The following ARL13B variants were observed in gnomAD, a reference collection of about 807,000 sequenced individuals.
ARL13B encodes the protein ARF like GTPase 13B, also known as ADP-ribosylation factor-like protein 13B.
ARL13B carries 36 observed loss-of-function variants against 56.1 expected under a neutral mutation model. The ratio of observed to expected loss-of-function variants is 0.64; its 90% CI spans 0.49 to 0.85. The LOEUF (loss-of-function observed/expected upper bound fraction) is 0.85. Ranked by LOEUF, ARL13B falls within the 40% of genes least tolerant of loss-of-function variation. The probability of loss-of-function intolerance (pLI) is 0.00; values close to 1 mark genes in which losing one functional copy is unlikely to be tolerated. For synonymous variants in ARL13B, 178 were observed against 171.1 expected (o/e 1.04, Z -0.32); for missense variants, 519 against 507.1 (o/e 1.02, Z -0.23).
chr3:94,049,352 A>G (rs2077031788), intron 7 of ARL13B, 54 bp from the exon 8 acceptor site: 1 of 1,064,212 alleles, frequency 9.4e-7, no homozygotes, highest in Non-Finnish European at 1.4e-6. Context: ...GTTTTCTATT[A>G]TAAAAGTGCA....
At chr3:94,013,246 C>T (rs997839742) in intron 3 of ARL13B, among the ~76,000 whole-genome samples, 6 of 152,190 alleles carry the variant, frequency 3.9e-5, no homozygotes, top group Non-Finnish European at 7.4e-5. Flanking sequence ...AGAAGCACCC[C>T]TTGACAGTCT....
At chr3:94,048,524 GT>G (rs2077017684) in intron 7 of ARL13B, among the ~76,000 whole-genome samples, 1 of 152,000 alleles carries the variant, frequency 6.6e-6, no homozygotes, top group South Asian at 2.1e-4. Flanking sequence ...TGCGATTTTG[GT>G]TACGTGTTTG....
At chr3:94,052,413 G>A (rs2077081401) in intron 9 of ARL13B, among the ~76,000 whole-genome samples, 2 of 152,066 alleles carry the variant, frequency 1.3e-5, no homozygotes, top group Non-Finnish European at 2.9e-5. Context: ...GGAGTACTGT[G>A]TACATGGGCA....
chr3:93,980,338 C>A lies in ARL13B; in HGVS notation c.-86C>A, dbSNP rs755184534. ...CGACTTATCCACTTTAGGGGCGTCT[C>A]GGAGTGCCGGAGGCCCCCGGGGAAG... On this transcript the variant is annotated 5_prime_UTR_variant, in exon 1 of 10. Transcript: ENST00000394222. 7.1e-6 allele frequency: 11 copies of A among 1,549,712 alleles called. No homozygotes were observed. Among genetic ancestry groups the A allele is most frequent in the Non-Finnish European group, 9.7e-6 (11 of 1,132,458 alleles).
chr3:94,012,988 C>T (rs1415446483), intron 3 of ARL13B, among the ~76,000 whole-genome samples: 1 of 152,160 alleles, frequency 6.6e-6, no homozygotes, highest in Non-Finnish European at 1.5e-5. Flanking sequence ...GACTTCTTTC[C>T]ATGGCTTACA....
chr3:93,980,415 C>A lies in ARL13B; in HGVS notation c.-9C>A. The stretch of plus-strand genomic sequence containing the variant: ...CTCGGATGGGAAGTGGTGGGAGGAG[C>A]GACCCGGGATGTTCAGTCTGATGGC... On this transcript the variant is annotated 5_prime_UTR_variant, in exon 1 of 10. Transcript: ENST00000394222. 1 of 1,611,862 alleles carries A rather than the reference C, an allele frequency of 6.2e-7. No homozygotes were observed. Among genetic ancestry groups the A allele is most frequent in the Non-Finnish European group, 8.5e-7 (1 of 1,179,974 alleles).
chr3:94,024,187 T>C (rs1284509476), intron 3 of ARL13B, among the ~76,000 whole-genome samples: 2 of 152,226 alleles, frequency 1.3e-5, no homozygotes, highest in Non-Finnish European at 2.9e-5. Context: ...CAGGCTGGTC[T>C]TGAACTCCTA....
chr3:93,999,838 A>T (rs1479289698), intron 2 of ARL13B, among the ~76,000 whole-genome samples: 4 of 152,140 alleles, frequency 2.6e-5, no homozygotes, highest in Non-Finnish European at 5.9e-5. Context: ...AACAAGATAG[A>T]TGTTTCTTTC....
chr3:94,044,588 TGAG>T (rs1293347410), intron 7 of ARL13B, among the ~76,000 whole-genome samples: 1 of 116,772 alleles, frequency 8.6e-6, no homozygotes, highest in Non-Finnish European at 1.7e-5. Flanking sequence ...ATCTGGGAGG[TGAG>T]GAGCGTCTCT....
intron 3 of ARL13B, among the ~76,000 whole-genome samples, chr3:94,013,399 A>G (rs2076259921): frequency 6.6e-6 from 1 of 152,230 alleles, no homozygotes; most frequent in Non-Finnish European, 1.5e-5. Flanking sequence ...TCTCTAGCTT[A>G]TAGTATAGTA....
At chr3:94,044,080 C>T (rs549773084) in intron 7 of ARL13B, among the ~76,000 whole-genome samples, 9 of 152,224 alleles carry the variant, frequency 5.9e-5, no homozygotes, top group East Asian at 5.9e-4. Flanking sequence ...CCCGCCACCC[C>T]GTCTAGGAAG....
intron 3 of ARL13B, among the ~76,000 whole-genome samples, chr3:94,033,427 G>A (rs926166679): frequency 1.3e-5 from 2 of 151,502 alleles, no homozygotes; most frequent in Non-Finnish European, 2.9e-5. Context: ...AGGTTGCTAC[G>A]CCATTAATTC....
chr3:94,023,644 C>T (rs1553840481), intron 3 of ARL13B, among the ~76,000 whole-genome samples: 1 of 152,060 alleles, frequency 6.6e-6, no homozygotes, highest in Non-Finnish European at 1.5e-5. Context: ...TTGCCTAAGG[C>T]CACACAACTA....
At chr3:94,040,107 T>G in intron 6 of ARL13B, 119 bp downstream of exon 6, 1 of 851,000 alleles carries the variant, frequency 1.2e-6, no homozygotes, top group South Asian at 1.5e-5. Flanking sequence ...GAGAGATTAT[T>G]TCTATAAGAA....
chr3:93,997,697 A>G (rs1447071198), intron 2 of ARL13B, among the ~76,000 whole-genome samples: 1 of 152,222 alleles, frequency 6.6e-6, no homozygotes, highest in Non-Finnish European at 1.5e-5. Flanking sequence ...GACCATCTGC[A>G]TACATGCTGG....
At chr3:94,045,182 C>T (rs2076959212) in intron 7 of ARL13B, among the ~76,000 whole-genome samples, 1 of 152,112 alleles carries the variant, frequency 6.6e-6, no homozygotes, top group African/African-American at 2.4e-5. Context: ...GCTGTGTCAA[C>T]TCAGGGTTAA....
At chr3:94,014,317 C>T (rs1052611809) in intron 3 of ARL13B, 22 of 1,320,034 alleles carry the variant, frequency 1.7e-5, no homozygotes, top group Middle Eastern at 5.4e-4. Flanking sequence ...TGGAGAAAAA[C>T]AATACAAGAC....
In ARL13B at chr3:94,035,026, A is replaced by G. The variant is rs141182033; in HGVS notation, c.381-305A>G. On this transcript the variant is annotated intron_variant, in intron 3 of 9. Coordinates refer to ENST00000394222, the MANE Select transcript of ARL13B (RefSeq NM_001174150.2). ...TGAGACTGACAGATCACTTGAGGTC[A>G]GGAGTTCAAGACCAGCCTGGCCAAC... Among the ~76,000 whole-genome samples the G allele has an allele frequency of 5.3e-3, 812 of 152,316 alleles. 3 individuals carry two copies. Among genetic ancestry groups the G allele is most frequent in the Middle Eastern group, 0.014 (4 of 294 alleles).
At chr3:94,032,246 G>A (rs1215395851) in intron 3 of ARL13B, among the ~76,000 whole-genome samples, 2 of 152,112 alleles carry the variant, frequency 1.3e-5, no homozygotes, top group African/African-American at 4.8e-5. Flanking sequence ...CAAAAGACAT[G>A]AATAGTCATT....
Sources: gnomAD v4.1 joint callset for allele counts (sites outside exome capture counted in the v4.1 genomes callset) on GRCh38, gnomAD v4.1.1 for gene constraint, MANE v1.5 for transcripts, NCBI Gene and HGNC (gene_info 2026-07-23, HGNC 2026-07-21) for gene names.